Variants in MEPE observed in about 807,000 individuals in gnomAD.
The protein encoded by MEPE is matrix extracellular phosphoglycoprotein, also known as matrix, extracellular phosphoglycoprotein with ASARM motif (bone).
MEPE carries 7 observed loss-of-function variants against 7.3 expected under a neutral mutation model. The ratio of observed to expected loss-of-function variants is 0.95; its 90% CI spans 0.54 to 1.79. The LOEUF (loss-of-function observed/expected upper bound fraction) is 1.79, where lower values mean the gene tolerates loss of function less well. Ranked by LOEUF, MEPE falls within the 40% of genes most tolerant of loss-of-function variation. MEPE has a pLI of 0.00. For synonymous variants in MEPE, 214 were observed against 213.1 expected, an observed-to-expected ratio of 1.00 and a Z score of -0.04; for missense variants, 623 against 628.2, an observed-to-expected ratio of 0.99 and a Z score of 0.09.
At chr4:87,832,512 AGG>A (rs1441253425), upstream of MEPE, among the ~76,000 whole-genome samples, 1 of 149,798 alleles carries the variant, frequency 6.7e-6, no homozygotes, top group African/African-American at 2.6e-5. Context: ...CCAGGAAGAC[AGG>A]GATTTTTTTC....
intron 1 of MEPE, among the ~76,000 whole-genome samples, chr4:87,834,378 CT>C (rs1158473403): frequency 2.6e-5 from 4 of 152,274 alleles, no homozygotes; most frequent in Middle Eastern, 6.8e-3. Context: ...TAAACAATCT[CT>C]TTCTAAAGAC....
At chr4:87,829,892 T>G (rs1332275287), upstream of MEPE, among the ~76,000 whole-genome samples, 1 of 137,224 alleles carries the variant, frequency 7.3e-6, no homozygotes, top group East Asian at 2.0e-4. Flanking sequence ...TGGACTTTGC[T>G]GAAATTCTGG....
At chr4:87,827,584 TA>T (rs1291128708) in intron 1 of MEPE, among the ~76,000 whole-genome samples, 1 of 152,164 alleles carries the variant, frequency 6.6e-6, no homozygotes, top group Non-Finnish European at 1.5e-5. Context: ...GGGTAAGAGA[TA>T]TTTTCCTCTT....
At chr4:87,838,717 A>G in intron 3 of MEPE, 32 bp downstream of exon 3, 1 of 1,592,640 alleles carries the variant, frequency 6.3e-7, no homozygotes, top group Non-Finnish European at 8.6e-7. Flanking sequence ...AAATAACTCT[A>G]TTTCAGCTCT....
rs149099086 is a variant in MEPE, at chr4:87,835,487, G to A, written c.54+719G>A. ...CTAACTTATCAGAATAACCTTTTTG[G>A]TTGGAGAACCATGGAAACAAATAGT... On this transcript the variant is annotated intron_variant, in intron 2 of 3. Transcript: ENST00000361056. 8.6e-3 allele frequency among the ~76,000 whole-genome samples: 1,311 copies of A among 152,244 alleles called. 22 individuals are homozygous for A. The highest frequency in any genetic ancestry group is 0.03 in the African/African-American group (1,241 of 41,540).
At chr4:87,826,554 G>C (rs1722475864) in intron 1 of MEPE, among the ~76,000 whole-genome samples, 1 of 152,048 alleles carries the variant, frequency 6.6e-6, no homozygotes, top group African/African-American at 2.4e-5. Context: ...CTAGGTCTTT[G>C]AGGAATTGCC....
At chr4:87,841,753 G>A (rs1014814770) in intron 3 of MEPE, among the ~76,000 whole-genome samples, 1 of 152,142 alleles carries the variant, frequency 6.6e-6, no homozygotes, top group Non-Finnish European at 1.5e-5. Flanking sequence ...TCCCATCGAC[G>A]GCTACAAGCT....
chr4:87,832,568 A>G (rs951326272), upstream of MEPE, among the ~76,000 whole-genome samples: 1 of 152,214 alleles, frequency 6.6e-6, no homozygotes, highest in Admixed American at 6.6e-5. Flanking sequence ...CCTGTCACAC[A>G]GTAGGCACCT....
chr4:87,837,694 A>C (rs1722851928), intron 2 of MEPE: 1 of 152,162 alleles, frequency 6.6e-6, no homozygotes, highest in Admixed American at 6.5e-5. Context: ...ACTGTAGCAC[A>C]CCCATTCAAA....
intron 3 of MEPE, among the ~76,000 whole-genome samples, chr4:87,843,123 T>A (rs375991303): frequency 9.1e-4 from 139 of 152,310 alleles, no homozygotes; most frequent in South Asian, 6.8e-3. Flanking sequence ...TTCTTTGTAA[T>A]GTTTTTCTTT....
chr4:87,834,971 G>A (rs1160956725), intron 2 of MEPE, among the ~76,000 whole-genome samples: 2 of 152,124 alleles, frequency 1.3e-5, no homozygotes, highest in African/African-American at 4.8e-5. Context: ...TATGAGATCT[G>A]ACAACATTGT....
upstream of MEPE, among the ~76,000 whole-genome samples, chr4:87,829,532 A>G (rs1275973867): frequency 6.6e-6 from 1 of 152,192 alleles, no homozygotes; most frequent in East Asian, 1.9e-4. Flanking sequence ...TTATAAAATT[A>G]TAGCAATAAA....
chr4:87,832,138 C>CTT (rs936064557), upstream of MEPE, among the ~76,000 whole-genome samples: 21 of 151,928 alleles, frequency 1.4e-4, no homozygotes. Context: ...AAGGGACTAG[C>CTT]TAGTTTCTTC....
At chr4:87,837,948 C>T (rs113019252) in intron 2 of MEPE, among the ~76,000 whole-genome samples, 66 of 152,200 alleles carry the variant, frequency 4.3e-4, no homozygotes, top group African/African-American at 1.4e-3. Context: ...GCCCTTTCTG[C>T]GCTTCAATAG....
chr4:87,836,007 A>C, intron 2 of MEPE, among the ~76,000 whole-genome samples: 1 of 151,984 alleles, frequency 6.6e-6, no homozygotes, highest in Non-Finnish European at 1.5e-5. Context: ...GGCCACATTC[A>C]AGCCTAAGAC....
At chr4:87,839,742 A>C in intron 3 of MEPE, 1 of 1,550,278 alleles carries the variant, frequency 6.5e-7, no homozygotes, top group Non-Finnish European at 8.7e-7. Flanking sequence ...GTGTGTTTAC[A>C]TGTCACCTGA....
chr4:87,826,384 TTTTTTTTGTTTTTG>T (rs1218954882), intron 1 of MEPE, among the ~76,000 whole-genome samples: 1 of 151,666 alleles, frequency 6.6e-6, no homozygotes, highest in East Asian at 1.9e-4. Context: ...ACAACAGTTT[TTTTTTTTGTTTTTG>T]TTTTTTGTTT....
chr4:87,846,059 T>A lies in MEPE; in HGVS notation c.1191T>A (p.Asn397Lys). The A allele has an allele frequency of 1.2e-6, 2 of 1,613,910 alleles. No homozygotes were observed. The highest frequency in any genetic ancestry group is 1.7e-6 in the Non-Finnish European group (2 of 1,179,936). ...SSDAAESTNYNEIPKNGKGST... is the reference protein window; with the variant it reads ...SSDAAESTNYKEIPKNGKGST... ...ATGCAGCTGAAAGTACCAACTATAA[T>A]GAAATTCCTAAAAATGGCAAAGGCA... The change falls in exon 4 of 4, where the codon AAT (asparagine) becomes AAA (lysine). Residue 397 changes from asparagine (N) to lysine (K), a missense_variant. Coordinates refer to ENST00000361056, the MANE Select transcript of MEPE (RefSeq NM_020203.6).
chr4:87,827,425 G>A (rs745698877), intron 1 of MEPE, among the ~76,000 whole-genome samples: 4 of 152,084 alleles, frequency 2.6e-5, no homozygotes, highest in East Asian at 1.9e-4. Context: ...AAGCTAAGAC[G>A]ATATACACCC....
Sources: allele counts gnomAD v4.1 joint callset (sites outside exome capture counted in the v4.1 genomes callset), GRCh38; gene constraint gnomAD v4.1.1; transcripts MANE v1.5; gene names NCBI Gene and HGNC (gene_info 2026-07-23, HGNC 2026-07-21).